The following ARHGEF9 variants were observed in gnomAD, a reference collection of about 807,000 sequenced individuals.
ARHGEF9 encodes the protein Cdc42 guanine nucleotide exchange factor 9.
Under a neutral mutation model 41.3 loss-of-function variants are expected in ARHGEF9, and 2 were observed. The observed-to-expected ratio is 0.05, with a 90% CI of 0.02 to 0.15. The LOEUF is 0.15. Ranked by LOEUF, ARHGEF9 falls within the 10% of genes least tolerant of loss-of-function variation. ARHGEF9 has a pLI of 1.00. For synonymous variants in ARHGEF9, 160 were observed against 154.4 expected (o/e 1.04, Z -0.27); for missense variants, 225 against 424.7 (o/e 0.53, Z 4.13).
At chrX:63,666,736 G>A (rs1180257587) in intron 6 of ARHGEF9, among the ~76,000 whole-genome samples, 3 of 111,286 alleles carry the variant, frequency 2.7e-5, no homozygotes, top group Non-Finnish European at 5.7e-5. Flanking sequence ...TCTACTGATT[G>A]AATAAGAAAC....
intron 1 of ARHGEF9, among the ~76,000 whole-genome samples, chrX:63,762,789 A>G (rs1380043023): frequency 9.0e-6 from 1 of 111,045 alleles, no homozygotes; most frequent in East Asian, 2.8e-4. Context: ...CTCCCATTCT[A>G]CCTCCTTAAC....
chrX:63,715,096 A>G (rs1177867867), intron 2 of ARHGEF9, among the ~76,000 whole-genome samples: 1 of 110,405 alleles, frequency 9.1e-6, no homozygotes, highest in Non-Finnish European at 1.9e-5. Context: ...AGTCAAGAAA[A>G]CTAGATGCCT....
At chrX:63,710,492 G>A (rs1301878458) in intron 2 of ARHGEF9, among the ~76,000 whole-genome samples, 4 of 110,411 alleles carry the variant, frequency 3.6e-5, no homozygotes, top group Admixed American at 2.9e-4. Flanking sequence ...TACCAGATGC[G>A]ATTCCAGGAA....
intron 1 of ARHGEF9, among the ~76,000 whole-genome samples, chrX:63,740,786 A>G (rs1339957578): frequency 5.4e-5 from 6 of 111,676 alleles, no homozygotes; most frequent in Non-Finnish European, 7.5e-5. Flanking sequence ...CTTCAGCCTT[A>G]GGTACCAAGG....
intron 1 of ARHGEF9, among the ~76,000 whole-genome samples, chrX:63,778,286 G>A (rs1556460040): frequency 3.6e-5 from 4 of 112,099 alleles, no homozygotes; most frequent in South Asian, 3.7e-4. Context: ...TGAGCTCTAC[G>A]TTGGCCCCTT....
intron 2 of ARHGEF9, among the ~76,000 whole-genome samples, chrX:63,710,865 T>C (rs1556406426): frequency 9.0e-6 from 1 of 110,955 alleles, no homozygotes; most frequent in African/African-American, 3.3e-5. Flanking sequence ...ATAAAAGACA[T>C]TGCATCAGAA....
intron 1 of ARHGEF9, among the ~76,000 whole-genome samples, chrX:63,750,865 C>T (rs1480056592): frequency 1.8e-5 from 2 of 110,956 alleles, no homozygotes; most frequent in East Asian, 2.8e-4. Flanking sequence ...GACATGTTTC[C>T]GAGGCATTTG....
intron 4 of ARHGEF9, among the ~76,000 whole-genome samples, chrX:63,696,827 T>C (rs1398771050): frequency 8.9e-6 from 1 of 111,933 alleles, no homozygotes; most frequent in Non-Finnish European, 1.9e-5. Flanking sequence ...GACACTGCCA[T>C]GCAATCAACA....
At chrX:63,646,714 C>G (rs1410859144) in intron 8 of ARHGEF9, among the ~76,000 whole-genome samples, 17 of 112,030 alleles carry the variant, frequency 1.5e-4, no homozygotes, top group Non-Finnish European at 3.2e-4. Flanking sequence ...GCAATGCGGG[C>G]TCTTTTTTGG....
intron 1 of ARHGEF9, among the ~76,000 whole-genome samples, chrX:63,747,680 T>A (rs2055354872): frequency 8.9e-6 from 1 of 112,565 alleles, no homozygotes; most frequent in African/African-American, 3.2e-5. Context: ...TTACTCTTAA[T>A]ATTCCAGGTG....
At chrX:63,643,316 C>T (rs1213861434) in intron 9 of ARHGEF9, among the ~76,000 whole-genome samples, 3 of 110,243 alleles carry the variant, frequency 2.7e-5, no homozygotes, top group African/African-American at 9.9e-5. Context: ...TGATTTGGCA[C>T]ATGCCTCCAG....
In ARHGEF9 at chrX:63,770,435, C is replaced by A. The variant is rs139995367; in HGVS notation, c.30+14681G>T. ...CCCACTGTATCTAGAAAGTAACTAG[C>A]TTGCTTTTAATTTTGCAGGCTCATA... On this transcript the variant is annotated intron_variant, in intron 1 of 9. Transcript: ENST00000671741. 8.3e-3 allele frequency among the ~76,000 whole-genome samples: 937 copies of A among 112,354 alleles called. 4 individuals are homozygous for A. Among genetic ancestry groups the A allele is most frequent in the South Asian group, 0.018 (50 of 2,704 alleles).
intron 1 of ARHGEF9, among the ~76,000 whole-genome samples, chrX:63,765,713 T>C (rs782328959): frequency 5.4e-5 from 6 of 112,049 alleles, no homozygotes; most frequent in Non-Finnish European, 1.1e-4. Flanking sequence ...AAAAGTGTTT[T>C]AGAATCTGTA....
In ARHGEF9 at chrX:63,706,580, G is replaced by T. The variant is rs1320505040; in HGVS notation, c.211-131C>A. 4 of 791,555 alleles carry T rather than the reference G, an allele frequency of 5.1e-6. No homozygotes were observed. The African/African-American group carries it at 8.3e-5, about 16-fold the overall frequency. The allele number at this position is 791,555 out of a possible 1,213,427, so 65.2% of individuals were successfully genotyped here. A position where few individuals can be genotyped will look rare whatever the true frequency, so the allele number is the denominator to read the frequency against. On this transcript the variant is annotated intron_variant, in intron 2 of 9. Transcript: ENST00000671741. The stretch of plus-strand genomic sequence containing the variant: ...CTTCAACCAGAGACCTGTGCAAGTA[G>T]AATTCGAAACCTGGCTCTAGGGTGA...
intron 1 of ARHGEF9, among the ~76,000 whole-genome samples, chrX:63,783,892 G>A (rs782703194): frequency 1.8e-5 from 2 of 111,646 alleles, no homozygotes; most frequent in South Asian, 3.8e-4. Context: ...CTGGGAAGAA[G>A]GGTCTTTTGA....
chrX:63,655,399 G>T, intron 8 of ARHGEF9, 95 bp downstream of exon 8: 1 of 1,165,956 alleles, frequency 8.6e-7, no homozygotes, highest in South Asian at 1.8e-5. Flanking sequence ...GTTTGCAACA[G>T]AAATCTTCCC....
intron 6 of ARHGEF9, among the ~76,000 whole-genome samples, chrX:63,668,416 A>G (rs1221003351): frequency 3.6e-5 from 4 of 111,565 alleles, no homozygotes; most frequent in Admixed American, 9.5e-5. Context: ...GGAATTACAG[A>G]TGTTAGCCAC....
At chrX:63,649,099 A>T (rs1344006960) in intron 8 of ARHGEF9, among the ~76,000 whole-genome samples, 3 of 111,697 alleles carry the variant, frequency 2.7e-5, no homozygotes. Context: ...CACCAAGCAG[A>T]CCTAATAGAC....
At chrX:63,646,680 T>C (rs2048107494) in intron 8 of ARHGEF9, among the ~76,000 whole-genome samples, 3 of 112,166 alleles carry the variant, frequency 2.7e-5, no homozygotes, top group African/African-American at 3.2e-5. Flanking sequence ...TCCAGCTTTG[T>C]TCTTTTGGCT....
Sources: gnomAD v4.1 joint callset for allele counts (sites outside exome capture counted in the v4.1 genomes callset) on GRCh38, gnomAD v4.1.1 for gene constraint, MANE v1.5 for transcripts, NCBI Gene and HGNC (gene_info 2026-07-23, HGNC 2026-07-21) for gene names.